The following SOX5 variants were observed in gnomAD, a reference collection of about 807,000 sequenced individuals.
SOX5 encodes the protein transcription factor SOX-5.
Under a neutral mutation model 92.0 loss-of-function variants are expected in SOX5, and 9 were observed. The observed-to-expected ratio is 0.10, with a 90% CI of 0.06 to 0.17. SOX5 has a LOEUF of 0.17. Among genes scored for constraint, SOX5 ranks in the 10% least tolerant of loss-of-function variants. The pLI is 1.00. For synonymous variants in SOX5, 344 were observed against 336.3 expected, an observed-to-expected ratio of 1.02 and a Z score of -0.25; for missense variants, 642 against 944.5, an observed-to-expected ratio of 0.68 and a Z score of 4.20.
chr12:24,528,556 G>A (rs1323653136), intron 1 of SOX5, among the ~76,000 whole-genome samples: 1 of 152,240 alleles, frequency 6.6e-6, no homozygotes, highest in African/African-American at 2.4e-5. Context: ...ATTTCGGAGA[G>A]AAGAGTGGAT....
chr12:23,648,490 T>C (rs2081156962), intron 7 of SOX5, among the ~76,000 whole-genome samples: 2 of 152,204 alleles, frequency 1.3e-5, no homozygotes, highest in Non-Finnish European at 2.9e-5. Context: ...AGAGCTAATT[T>C]AAGATAAAAT....
At chr12:24,149,389 C>T (rs1951434966) in intron 4 of SOX5, among the ~76,000 whole-genome samples, 1 of 152,086 alleles carries the variant, frequency 6.6e-6, no homozygotes, top group Non-Finnish European at 1.5e-5. Context: ...TAAAAATGGG[C>T]ATGAGATTTG....
chr12:24,040,357 GATC>G (rs746360494), intron 4 of SOX5, among the ~76,000 whole-genome samples: 11 of 152,072 alleles, frequency 7.2e-5, no homozygotes, highest in Non-Finnish European at 1.0e-4. Flanking sequence ...CAAGTAAAAA[GATC>G]ACAAATTTAC....
intron 4 of SOX5, among the ~76,000 whole-genome samples, chr12:24,195,026 G>A (rs1209911178): frequency 6.6e-6 from 1 of 151,792 alleles, no homozygotes; most frequent in South Asian, 2.1e-4. Context: ...ATTAGAAATG[G>A]TCATGGTAAA....
intron 6 of SOX5, among the ~76,000 whole-genome samples, chr12:23,728,908 A>G (rs2093277745): frequency 6.6e-6 from 1 of 152,208 alleles, no homozygotes; most frequent in African/African-American, 2.4e-5. Context: ...TTTAGTTTAC[A>G]AATGTCAAAA....
intron 4 of SOX5, among the ~76,000 whole-genome samples, chr12:24,169,144 G>T (rs760577190): frequency 7.2e-5 from 11 of 152,026 alleles, no homozygotes; most frequent in Non-Finnish European, 1.2e-4. Context: ...AGGATTAAAA[G>T]GTCCTTCTCA....
intron 2 of SOX5, among the ~76,000 whole-genome samples, chr12:24,352,681 G>C (rs1287608141): frequency 6.6e-6 from 1 of 152,022 alleles, no homozygotes; most frequent in Non-Finnish European, 1.5e-5. Flanking sequence ...TTCATCTTCT[G>C]TCCTCTTATT....
chr12:24,522,160 GTGGATAA>G (rs2138500449), intron 1 of SOX5, among the ~76,000 whole-genome samples: 1 of 151,530 alleles, frequency 6.6e-6, no homozygotes, highest in African/African-American at 2.4e-5. Context: ...TGCCAACAAA[GTGGATAA>G]TGTAGAAAAA....
chr12:23,578,941 ACAAAG>A (rs3030240), intron 9 of SOX5, among the ~76,000 whole-genome samples: 49,260 of 151,442 alleles, frequency 0.33, 8,418 homozygotes, highest in East Asian at 0.39. Context: ...AAGAAACAAA[ACAAAG>A]CAAAGCAAAG....
intron 4 of SOX5, among the ~76,000 whole-genome samples, chr12:24,059,103 T>C (rs1272172889): frequency 6.6e-6 from 1 of 152,230 alleles, no homozygotes; most frequent in Non-Finnish European, 1.5e-5. Flanking sequence ...CATAATTATA[T>C]ACAGTGCTTT....
intron 4 of SOX5, among the ~76,000 whole-genome samples, chr12:24,099,127 C>A (rs910252725): frequency 6.6e-6 from 1 of 152,146 alleles, no homozygotes; most frequent in African/African-American, 2.4e-5. Context: ...ACAATCATAA[C>A]CCTGATGTGC....
intron 6 of SOX5, among the ~76,000 whole-genome samples, chr12:23,705,490 T>TAC (rs763923779): frequency 1.3e-4 from 20 of 151,452 alleles, no homozygotes; most frequent in South Asian, 2.1e-4. Context: ...AACACACACA[T>TAC]ACACACACAC....
chr12:24,139,403 A>G (rs1049209574), intron 4 of SOX5, among the ~76,000 whole-genome samples: 2 of 152,196 alleles, frequency 1.3e-5, no homozygotes, highest in Non-Finnish European at 2.9e-5. Context: ...CACAGGCAGC[A>G]GCGTTAACAG....
At chr12:24,407,480 C>T (rs1439677534) in intron 1 of SOX5, 1 of 152,192 alleles carries the variant, frequency 6.6e-6, no homozygotes, top group Admixed American at 6.5e-5. Context: ...AGACAAGAGA[C>T]CCACCTGCCA....
chr12:24,259,257 C>T (rs1053152043), intron 3 of SOX5, among the ~76,000 whole-genome samples: 1 of 151,982 alleles, frequency 6.6e-6, no homozygotes, highest in Non-Finnish European at 1.5e-5. Flanking sequence ...AGAGAGAGAG[C>T]GCGCACATGG....
chr12:23,568,980 G>A (rs116043789), intron 10 of SOX5, among the ~76,000 whole-genome samples: 1,781 of 152,002 alleles, frequency 0.012, 36 homozygotes, highest in African/African-American at 0.04. Context: ...CTTGACCTTA[G>A]GAGTTCAAAA....
At chr12:24,526,397 C>A (rs1566392245) in intron 1 of SOX5, among the ~76,000 whole-genome samples, 1 of 152,030 alleles carries the variant, frequency 6.6e-6, no homozygotes, top group East Asian at 1.9e-4. Flanking sequence ...GACTCTAGGA[C>A]CCAGTACACA....
chr12:23,571,841 G>A (rs768071983), intron 10 of SOX5, among the ~76,000 whole-genome samples: 2 of 151,946 alleles, frequency 1.3e-5, no homozygotes, highest in African/African-American at 2.4e-5. Flanking sequence ...AACAAGCTTT[G>A]ACTAGATTAT....
chr12:24,503,983 AC>A (rs761292135), intron 1 of SOX5, among the ~76,000 whole-genome samples: 129 of 152,242 alleles, frequency 8.5e-4, no homozygotes, highest in Non-Finnish European at 1.3e-3. Flanking sequence ...TAAAAAAAAA[AC>A]AACACATTTT....
Sources: gnomAD v4.1 joint callset for allele counts (sites outside exome capture counted in the v4.1 genomes callset) on GRCh38, gnomAD v4.1.1 for gene constraint, MANE v1.5 for transcripts, NCBI Gene and HGNC (gene_info 2026-07-23, HGNC 2026-07-21) for gene names.